BDKRB2: variants seen among roughly 807,000 people sequenced by gnomAD.
The protein encoded by BDKRB2 is bradykinin receptor B2, also known as B2 bradykinin receptor.
BDKRB2 carries 6 observed loss-of-function variants against 4.0 expected under a neutral mutation model. The observed-to-expected ratio is 1.49, with a 90% confidence interval of 0.81 to 2.93. The LOEUF (loss-of-function observed/expected upper bound fraction) is 2.93. Among genes scored for constraint, BDKRB2 ranks in the 30% most tolerant of loss-of-function variants. The probability of loss-of-function intolerance (pLI) is 0.00; values close to 1 mark genes in which losing one functional copy is unlikely to be tolerated. For missense variants in BDKRB2, 478 were observed against 520.1 expected (o/e 0.92, Z 0.79); for synonymous variants, 225 against 215.3 (o/e 1.05, Z -0.40).
chr14:96,225,310 C>T (rs141189700), intron 1 of BDKRB2, among the ~76,000 whole-genome samples: 1 of 152,236 alleles, frequency 6.6e-6, no homozygotes, highest in African/African-American at 2.4e-5. Flanking sequence ...GGCCTACGAC[C>T]CTTAGACAAT....
chr14:96,230,741 C>G (rs1281906397), intron 1 of BDKRB2, among the ~76,000 whole-genome samples: 1 of 152,080 alleles, frequency 6.6e-6, no homozygotes, highest in Non-Finnish European at 1.5e-5. Context: ...CTCAGCCCCC[C>G]AAGTAGCTGG....
chr14:96,239,530 A>G (rs1885211079), intron 2 of BDKRB2: 1 of 985,454 alleles, frequency 1.0e-6, no homozygotes, highest in Non-Finnish European at 1.2e-6. Flanking sequence ...GAGGTCACCA[A>G]CAAACGGTGG....
intron 2 of BDKRB2, 104 bp downstream of exon 2, chr14:96,237,285 G>A (rs2139796486): frequency 9.1e-7 from 1 of 1,098,788 alleles, no homozygotes; most frequent in East Asian, 2.4e-5. Flanking sequence ...AACAGTTGAA[G>A]GAACCAGTGA....
At position 96,241,461 on chromosome 14, in the gene BDKRB2, G is replaced by A. The variant is rs778370159; in HGVS notation, c.1133G>A (p.Arg378His). Residue 378 changes from arginine to histidine, a missense_variant, in exon 3 of 3, where the codon CGC (arginine) becomes CAC (histidine). Coordinates refer to ENST00000554311, the MANE Select transcript of BDKRB2 (RefSeq NM_001379692.1). ...GTLRTSISVE[R>H]QIHKLQDWAG... ...CTGCGGACCTCCATCTCCGTGGAAC[G>A]CCAGATTCACAAACTGCAGGACTGG... 25 of 1,575,278 alleles carry A rather than the reference G, an allele frequency of 1.6e-5. No homozygotes were observed. Among genetic ancestry groups the A allele is most frequent in the East Asian group, 2.2e-5 (1 of 44,704 alleles).
At chr14:96,210,068 T>TTG (rs1890271942) in intron 1 of BDKRB2, among the ~76,000 whole-genome samples, 1 of 152,128 alleles carries the variant, frequency 6.6e-6, no homozygotes, top group African/African-American at 2.4e-5. Flanking sequence ...TATGCACTCG[T>TTG]CTCAGGTGAG....
chr14:96,219,367 T>C (rs11160322), intron 1 of BDKRB2, among the ~76,000 whole-genome samples: 58,508 of 151,598 alleles, frequency 0.39, 11,869 homozygotes, highest in Non-Finnish European at 0.47. Context: ...AATAAATATC[T>C]CCGGTGTTTC....
intron 1 of BDKRB2, among the ~76,000 whole-genome samples, chr14:96,226,673 A>C (rs1473192544): frequency 6.6e-6 from 1 of 152,138 alleles, no homozygotes; most frequent in Non-Finnish European, 1.5e-5. Flanking sequence ...AAAAAATTAC[A>C]AAGTGGCTGA....
rs1219497503 is a variant in BDKRB2 at position 96,216,733 on chromosome 14, AAGG to A, written c.-40+11788_-40+11790del. 9.2e-4 allele frequency among the ~76,000 whole-genome samples: 93 copies of A among 101,218 alleles called. 1 individual carries two copies. The highest frequency in any genetic ancestry group is 7.3e-4 in the African/African-American group (17 of 23,180). The allele number at this position is 101,218 out of a possible 152,430, so 66.4% of individuals were successfully genotyped here. A position where few individuals can be genotyped will look rare whatever the true frequency, so the allele number is the denominator to read the frequency against. On this transcript the variant is annotated intron_variant, in intron 1 of 2. Transcript: ENST00000554311. ...AGGAGGAAGAGGAAGGAGGAGGAGGAAGGAGGAGGAGGAGGAAGGAGGAGGAGG... is the reference window on the plus strand; with the variant it reads ...AGGAGGAAGAGGAAGGAGGAGGAGGAAGGAGGAGGAGGAAGGAGGAGGAGG...
rs949640782 is a variant in BDKRB2 at position 96,223,141 on chromosome 14, T to A, written c.-39-13928T>A. On this transcript the variant is annotated intron_variant, in intron 1 of 2. Coordinates refer to ENST00000554311, the MANE Select transcript of BDKRB2 (RefSeq NM_001379692.1). ...CAAACAAATTCACTATTCGGACAGA[T>A]ACGACGACGAGGAGTTTGAGTATCG... 7.8e-6 allele frequency: 10 copies of A among 1,275,744 alleles called. No individual in the cohort carries two copies. The South Asian group carries it at 8.4e-5, about 11-fold the overall frequency. 79.0% of individuals were successfully genotyped at this position (1,275,744 alleles called of 1,614,324 possible). A position where few individuals can be genotyped will look rare whatever the true frequency, so the allele number is the denominator to read the frequency against.
chr14:96,238,419 CT>C (rs1162104615), intron 2 of BDKRB2: 1 of 971,058 alleles, frequency 1.0e-6, no homozygotes, highest in Non-Finnish European at 1.2e-6. Context: ...CAGATTCCTC[CT>C]TTTGAAATGA....
intron 1 of BDKRB2, among the ~76,000 whole-genome samples, chr14:96,216,684 G>GAGGAGGAGGA (rs1383449543): frequency 2.9e-5 from 4 of 136,382 alleles, no homozygotes; most frequent in Admixed American, 1.5e-4. Flanking sequence ...GAAGAAGGAG[G>GAGGAGGAGGA]AGGAGGAGGA....
chr14:96,225,263 A>G (rs1207831072), intron 1 of BDKRB2, among the ~76,000 whole-genome samples: 1 of 152,090 alleles, frequency 6.6e-6, no homozygotes, highest in African/African-American at 2.4e-5. Flanking sequence ...AAGCTCAGAG[A>G]TGCCGAGGCA....
At chr14:96,236,107 C>G (rs1360364519) in intron 1 of BDKRB2, among the ~76,000 whole-genome samples, 1 of 152,146 alleles carries the variant, frequency 6.6e-6, no homozygotes, top group Admixed American at 6.5e-5. Context: ...AATGGAAGCC[C>G]CTTGGGCAAA....
chr14:96,216,749 AAGGAGGAGGAGGAGGAGGAAGG>A lies in BDKRB2; in HGVS notation c.-40+11810_-40+11831del, dbSNP rs1566688929. Among the ~76,000 whole-genome samples, 103 of 80,028 alleles carry A rather than the reference AAGGAGGAGGAGGAGGAGGAAGG, an allele frequency of 1.3e-3. 1 individual carries two copies. Among genetic ancestry groups the A allele is most frequent in the Non-Finnish European group, 1.9e-3 (83 of 44,460 alleles). 52.5% of individuals were successfully genotyped at this position (80,028 alleles called of 152,430 possible). A position where few individuals can be genotyped will look rare whatever the true frequency, so the allele number is the denominator to read the frequency against. ...AGGAGGAGGAAGGAGGAGGAGGAGGAAGGAGGAGGAGGAGGAGGAAGGAGGAGGAGGAGGAGGAGGAGGAAGT... is the reference window on the plus strand; with the variant it reads ...AGGAGGAGGAAGGAGGAGGAGGAGGAAGGAGGAGGAGGAGGAGGAGGAAGT... On this transcript the variant is annotated intron_variant, in intron 1 of 2. Transcript: ENST00000554311.
intron 1 of BDKRB2, among the ~76,000 whole-genome samples, chr14:96,231,364 C>T (rs979521186): frequency 6.6e-6 from 1 of 152,202 alleles, no homozygotes; most frequent in Non-Finnish European, 1.5e-5. Flanking sequence ...CCCAGAACCC[C>T]GTCTTCCCCC....
At position 96,241,009 on chromosome 14, in the gene BDKRB2, C is replaced by T; in HGVS notation, c.681C>T (p.Leu227=). The change falls in exon 3 of 3, where the codon CTC becomes CTT. Residue 227 remains leucine, a synonymous_variant. Coordinates refer to ENST00000554311, the MANE Select transcript of BDKRB2 (RefSeq NM_001379692.1). ...TCTGGGAAGTGTTCACCAACATGCT[C>T]CTGAATGTCGTGGGCTTCCTGCTGC... The part of the protein sequence containing the change: ...SLIWEVFTNM[L]LNVVGFLLPL... The T allele has an allele frequency of 1.2e-6, 2 of 1,605,104 alleles. No homozygotes were observed. The highest frequency in any genetic ancestry group is 1.1e-5 in the South Asian group (1 of 90,226).
intron 1 of BDKRB2, chr14:96,214,553 GGTGAGA>G (rs1890376070): frequency 6.6e-6 from 1 of 152,276 alleles, no homozygotes; most frequent in Non-Finnish European, 1.5e-5. Context: ...GAACACCCCT[GGTGAGA>G]CTCCCTCGTC....
At chr14:96,206,609 C>G (rs1595243604) in intron 1 of BDKRB2, among the ~76,000 whole-genome samples, 1 of 151,820 alleles carries the variant, frequency 6.6e-6, no homozygotes. Context: ...ACCGCAATGA[C>G]TTTTGCACCA....
intron 1 of BDKRB2, among the ~76,000 whole-genome samples, chr14:96,208,959 T>C (rs1238544554): frequency 1.3e-5 from 2 of 152,192 alleles, no homozygotes; most frequent in African/African-American, 4.8e-5. Flanking sequence ...TTGTGACCTG[T>C]ACAGTGCCAG....
Sources: gnomAD v4.1 joint callset for allele counts (sites outside exome capture counted in the v4.1 genomes callset) on GRCh38, gnomAD v4.1.1 for gene constraint, MANE v1.5 for transcripts, NCBI Gene and HGNC (gene_info 2026-07-23, HGNC 2026-07-21) for gene names.